CHST11: variants seen among roughly 807,000 people sequenced by gnomAD.
The protein encoded by CHST11 is C4S-1.
Under a neutral mutation model 30.4 loss-of-function variants are expected in CHST11, and 9 were observed. The ratio of observed to expected loss-of-function variants is 0.30; its 90% CI spans 0.18 to 0.52. The LOEUF (loss-of-function observed/expected upper bound fraction) is 0.52. Among genes scored for constraint, CHST11 ranks in the 20% least tolerant of loss-of-function variants. The pLI is 0.97. For synonymous variants in CHST11, 152 were observed against 187.8 expected (o/e 0.81, Z 1.56); for missense variants, 348 against 460.6 (o/e 0.76, Z 2.24).
chr12:104,734,498 G>A (rs35820500), intron 2 of CHST11, among the ~76,000 whole-genome samples: 1,947 of 152,270 alleles, frequency 0.013, 13 homozygotes, highest in Non-Finnish European at 0.02. Context: ...GGGCAGGGCT[G>A]GACCTTAAGA....
chr12:104,658,665 CT>C (rs1462056981), intron 2 of CHST11, among the ~76,000 whole-genome samples: 4 of 152,160 alleles, frequency 2.6e-5, no homozygotes, highest in African/African-American at 9.7e-5. Flanking sequence ...TTTCTCCTAC[CT>C]TCTGCTTCCA....
At chr12:104,653,826 G>A (rs143177606) in intron 2 of CHST11, among the ~76,000 whole-genome samples, 2 of 152,284 alleles carry the variant, frequency 1.3e-5, no homozygotes, top group African/African-American at 2.4e-5. Flanking sequence ...GCAGAACCAG[G>A]ATTCAAACCC....
intron 1 of CHST11, among the ~76,000 whole-genome samples, chr12:104,475,381 G>A (rs1413114757): frequency 6.6e-6 from 1 of 151,842 alleles, no homozygotes; most frequent in Non-Finnish European, 1.5e-5. Flanking sequence ...AATTAGTTTA[G>A]GGGAGGTCAG....
chr12:104,547,676 G>A (rs1050377701), intron 1 of CHST11, among the ~76,000 whole-genome samples: 1 of 152,178 alleles, frequency 6.6e-6, no homozygotes, highest in Admixed American at 6.5e-5. Flanking sequence ...ACACTCTGGT[G>A]TCAGAATCTT....
In CHST11 at chr12:104,509,289, T is replaced by G. The variant is rs557312553; in HGVS notation, c.118+51760T>G. On this transcript the variant is annotated intron_variant, in intron 1 of 2. Coordinates refer to ENST00000303694, the MANE Select transcript of CHST11 (RefSeq NM_018413.6). The stretch of plus-strand genomic sequence containing the variant: ...TGCTCCTCTTTGCCTTCCACCATGA[T>G]TGTGAGGTTTCCCCAGCCATGTGGA... Among the ~76,000 whole-genome samples, 20 of 152,354 alleles carry G rather than the reference T, an allele frequency of 1.3e-4. 2 individuals carry two copies. The South Asian group carries it at 3.7e-3, about 28-fold the overall frequency.
At chr12:104,700,649 G>A (rs906242778) in intron 2 of CHST11, among the ~76,000 whole-genome samples, 1 of 152,118 alleles carries the variant, frequency 6.6e-6, no homozygotes, top group Non-Finnish European at 1.5e-5. Context: ...CCTGGCACCT[G>A]GTAATACATT....
intron 1 of CHST11, among the ~76,000 whole-genome samples, 170 bp downstream of exon 1, chr12:104,457,699 C>T (rs762867144): frequency 2.0e-5 from 3 of 151,938 alleles, no homozygotes; most frequent in Non-Finnish European, 2.9e-5. Context: ...GTCACCGCGT[C>T]GGGATGGGGA....
chr12:104,471,095 T>TA (rs891205496), intron 1 of CHST11, among the ~76,000 whole-genome samples: 4 of 152,178 alleles, frequency 2.6e-5, no homozygotes, highest in Non-Finnish European at 5.9e-5. Flanking sequence ...GTTCATGTAT[T>TA]ACCTCTTGTG....
intron 2 of CHST11, among the ~76,000 whole-genome samples, chr12:104,612,106 G>A (rs1042754975): frequency 3.5e-4 from 54 of 152,230 alleles, no homozygotes; most frequent in African/African-American, 1.3e-3. Context: ...TGCGTGAAAT[G>A]GAACTGGAAT....
chr12:104,500,225 A>T (rs1295858081), intron 1 of CHST11, among the ~76,000 whole-genome samples: 1 of 152,200 alleles, frequency 6.6e-6, no homozygotes, highest in East Asian at 1.9e-4. Context: ...GGCAGCTTAT[A>T]TCTGAGCTCT....
intron 2 of CHST11, among the ~76,000 whole-genome samples, chr12:104,749,590 G>T (rs373537341): frequency 2.0e-5 from 3 of 152,180 alleles, no homozygotes; most frequent in African/African-American, 7.2e-5. Flanking sequence ...GAAAATTTGG[G>T]CATTCTCTTT....
rs370269670 is a variant in CHST11, at chr12:104,705,777, C to T, written c.205-51172C>T. ...CTCTACAAAAAATACAAAAATTAGC[C>T]GGTCATAGTGGTATGCGCTTGTAAT... On this transcript the variant is annotated intron_variant, in intron 2 of 2. Transcript: ENST00000303694. 2.1e-3 allele frequency among the ~76,000 whole-genome samples: 318 copies of T among 152,010 alleles called. 3 individuals carry two copies. Among genetic ancestry groups the T allele is most frequent in the African/African-American group, 7.1e-3 (295 of 41,468 alleles).
At chr12:104,490,128 A>G (rs1457644310) in intron 1 of CHST11, among the ~76,000 whole-genome samples, 2 of 152,224 alleles carry the variant, frequency 1.3e-5, no homozygotes, top group East Asian at 3.8e-4. Flanking sequence ...TCCTTTGAAA[A>G]TGTCTGTGCA....
intron 2 of CHST11, among the ~76,000 whole-genome samples, chr12:104,631,300 C>A (rs61938616): frequency 1.2e-4 from 18 of 152,170 alleles, no homozygotes; most frequent in African/African-American, 3.6e-4. Context: ...TTCCTCAGAC[C>A]TCATAGTTTG....
At chr12:104,567,893 G>A (rs778715064) in intron 1 of CHST11, among the ~76,000 whole-genome samples, 1 of 152,188 alleles carries the variant, frequency 6.6e-6, no homozygotes, top group African/African-American at 2.4e-5. Context: ...GACACAGAAG[G>A]CATCACTGTT....
At chr12:104,516,423 T>C (rs572486998) in intron 1 of CHST11, among the ~76,000 whole-genome samples, 43 of 152,330 alleles carry the variant, frequency 2.8e-4, no homozygotes, top group African/African-American at 9.1e-4. Context: ...TGGTCATCTT[T>C]GCAATTTTTT....
intron 1 of CHST11, among the ~76,000 whole-genome samples, chr12:104,558,522 T>C: frequency 6.7e-6 from 1 of 148,922 alleles, no homozygotes; most frequent in Non-Finnish European, 1.5e-5. Context: ...TGTCATTCTC[T>C]CTGTTCAGCA....
intron 2 of CHST11, among the ~76,000 whole-genome samples, chr12:104,637,370 A>G (rs1384973011): frequency 1.4e-5 from 2 of 145,132 alleles, no homozygotes; most frequent in Admixed American, 6.9e-5. Flanking sequence ...TAGCATTAGG[A>G]GATATACCTA....
chr12:104,621,162 T>C (rs910342819), intron 2 of CHST11, among the ~76,000 whole-genome samples: 9 of 152,200 alleles, frequency 5.9e-5, no homozygotes, highest in African/African-American at 2.2e-4. Flanking sequence ...AGTGGGATCT[T>C]GGGGAGTCTC....
Sources: allele counts gnomAD v4.1 joint callset (sites outside exome capture counted in the v4.1 genomes callset), GRCh38; gene constraint gnomAD v4.1.1; transcripts MANE v1.5; gene names NCBI Gene and HGNC (gene_info 2026-07-23, HGNC 2026-07-21).